PACS2: variants seen among roughly 807,000 people sequenced by gnomAD.
PACS2 encodes the protein phosphofurin acidic cluster sorting protein 2, also known as PACS1-like protein.
A neutral mutation model predicts 113.0 loss-of-function variants in PACS2; 36 were observed. The ratio of observed to expected loss-of-function variants is 0.32; its 90% CI spans 0.24 to 0.42. PACS2 has a LOEUF of 0.42. Among genes scored for constraint, PACS2 ranks in the 10% least tolerant of loss-of-function variants. The pLI, the probability that PACS2 is intolerant of heterozygous loss-of-function variation, is 1.00. For missense variants in PACS2, 1,015 were observed against 1,239.5 expected (o/e 0.82, Z 2.72); for synonymous variants, 589 against 536.1 (o/e 1.10, Z -1.36).
rs2060029865 is a variant in PACS2 at position 105,348,563 on chromosome 14, A to T, written c.190A>T (p.Ile64Phe). 6.2e-7 allele frequency: 1 copy of T among 1,611,794 alleles called. No homozygotes were observed. The highest frequency in any genetic ancestry group is 1.7e-5 in the Admixed American group (1 of 60,014). ...ELEKELISVVIAVKMQGSKRI... is the reference protein window; with the variant it reads ...ELEKELISVVFAVKMQGSKRI... ...GGAGAAGGAGCTGATCTCCGTGGTG[A>T]TCGCTGTCAAGATGCAGGTGAGGCC... The change falls in exon 2 of 25, where the codon ATC becomes TTC. Residue 64 changes from isoleucine (I) to phenylalanine (F), a missense_variant. Physicochemically the swap from Ile to Phe is conservative, Grantham distance 21 (BLOSUM62 0). Transcript: ENST00000447393. This position sits in a 1 kb window ranked among gnomAD's most constrained non-coding sequence, Gnocchi z 6.4.
rs1433960807 is a variant in PACS2 at position 105,348,396 on chromosome 14, G to T, written c.120-97G>T. On this transcript the variant is annotated intron_variant, in intron 1 of 24. Transcript: ENST00000447393. The surrounding 1 kb of genome is among the most constrained non-coding windows in gnomAD (Gnocchi z 6.4). ...GTCACACCCCGCCCTGCACCCCAGG[G>T]TGCAGGCTCCCGGGGTGACACAGTG... is the stretch of plus-strand genomic sequence containing the variant. The T allele has an allele frequency of 5.5e-6, 5 of 913,632 alleles. No individual in the cohort carries two copies. In the East Asian group the frequency reaches 9.8e-5, roughly 18 times the overall value. 56.6% of individuals were successfully genotyped at this position (913,632 alleles called of 1,614,324 possible).
chr14:105,327,473 G>C (rs974927599), intron 1 of PACS2, among the ~76,000 whole-genome samples: 34 of 152,210 alleles, frequency 2.2e-4, no homozygotes, highest in African/African-American at 8.2e-4. Context: ...CTGGGGTGGA[G>C]TTGTTCTCCT....
intron 1 of PACS2, among the ~76,000 whole-genome samples, chr14:105,307,703 A>G (rs1194888069): frequency 6.6e-6 from 1 of 152,174 alleles, no homozygotes; most frequent in African/African-American, 2.4e-5. Context: ...AAGTGCTTCA[A>G]TCTCTCTAGG....
chr14:105,346,453 A>G (rs2059920431), intron 1 of PACS2, among the ~76,000 whole-genome samples: 1 of 148,440 alleles, frequency 6.7e-6, no homozygotes, highest in Non-Finnish European at 1.5e-5. Flanking sequence ...GTGGCCCTGC[A>G]TGCACGGCTC....
intron 1 of PACS2, among the ~76,000 whole-genome samples, chr14:105,331,354 G>A (rs1468674288): frequency 1.3e-5 from 2 of 152,168 alleles, no homozygotes; most frequent in East Asian, 1.9e-4. Flanking sequence ...TGTTTATTAC[G>A]TATTTCCTCT....
At position 105,394,990 on chromosome 14, in the gene PACS2, C is replaced by T. The variant is rs2081493540; in HGVS notation, c.*318C>T. The stretch of plus-strand genomic sequence containing the variant: ...ACAGGCTGAGTTCTTGCCTCTGTGT[C>T]CTGTCCTTCCTGGAAGTCAGGACTC... On this transcript the variant is annotated 3_prime_UTR_variant, in exon 25 of 25. Transcript: ENST00000447393. 1 of 291,066 alleles carries T rather than the reference C, an allele frequency of 3.4e-6. No individual in the cohort carries two copies. Among genetic ancestry groups the T allele is most frequent in the African/African-American group, 2.2e-5 (1 of 46,100 alleles). 18.0% of individuals were successfully genotyped at this position (291,066 alleles called of 1,614,324 possible). A position where few individuals can be genotyped will look rare whatever the true frequency, so the allele number is the denominator to read the frequency against.
chr14:105,387,741 G>A (rs2081226151), intron 19 of PACS2, among the ~76,000 whole-genome samples: 1 of 152,204 alleles, frequency 6.6e-6, no homozygotes, highest in Non-Finnish European at 1.5e-5. Flanking sequence ...CATGGGCCTC[G>A]GAGCAGAGCA....
chr14:105,309,701 GA>G (rs2058291271), upstream of PACS2, among the ~76,000 whole-genome samples: 1 of 151,634 alleles, frequency 6.6e-6, no homozygotes, highest in African/African-American at 2.4e-5. The surrounding 1 kb of genome is among the most constrained non-coding windows in gnomAD (Gnocchi z 4.0). Flanking sequence ...GCAGGACACC[GA>G]GGATGTCATC....
Position 105,382,884 on chromosome 14 carries a change from C to T in PACS2, c.1596C>T (p.Phe532=), listed in dbSNP as rs781912375. 4.4e-6 allele frequency: 7 copies of T among 1,605,810 alleles called. No individual in the cohort carries two copies. Among genetic ancestry groups the T allele is most frequent in the Non-Finnish European group, 5.9e-6 (7 of 1,178,008 alleles). Residue 532 remains phenylalanine (F), a synonymous_variant, in exon 15 of 25, where the codon TTC becomes TTT. Coordinates refer to ENST00000447393, the MANE Select transcript of PACS2 (RefSeq NM_001100913.3). ...TCSPADVQAA[F]STIVSRIQRY... ...CTCCTGCGGACGTCCAGGCGGCCTTCAGCACCATCGTCTCACGGATACAGA... is the reference window on the plus strand; with the variant it reads ...CTCCTGCGGACGTCCAGGCGGCCTTTAGCACCATCGTCTCACGGATACAGA...
chr14:105,398,017 C>G lies in PACS2; in HGVS notation c.*3345C>G, dbSNP rs1474978985. The G allele has an allele frequency of 1.3e-5, 2 of 152,256 alleles. No individual in the cohort carries two copies. The highest frequency in any genetic ancestry group is 6.5e-5 in the Admixed American group (1 of 15,288). 9.4% of individuals were successfully genotyped at this position (152,256 alleles called of 1,614,324 possible). A position where few individuals can be genotyped will look rare whatever the true frequency, so the allele number is the denominator to read the frequency against. On this transcript the variant is annotated 3_prime_UTR_variant, in exon 25 of 25. Coordinates refer to ENST00000447393, the MANE Select transcript of PACS2 (RefSeq NM_001100913.3). ...TTTGGTTTCTAGGATGTATGTGTTGCTAGTTTTTTTTAATGAAACCCTGGA... is the reference window on the plus strand; with the variant it reads ...TTTGGTTTCTAGGATGTATGTGTTGGTAGTTTTTTTTAATGAAACCCTGGA...
intron 19 of PACS2, among the ~76,000 whole-genome samples, chr14:105,387,952 C>T (rs1256932070): frequency 2.0e-5 from 3 of 152,248 alleles, no homozygotes; most frequent in Non-Finnish European, 4.4e-5. Flanking sequence ...AGTGGGATGT[C>T]AAAGGCCACG....
chr14:105,318,662 A>AT (rs2058761334), intron 1 of PACS2, among the ~76,000 whole-genome samples: 1 of 139,670 alleles, frequency 7.2e-6, no homozygotes, highest in African/African-American at 2.7e-5. Context: ...TTTTTATTTT[A>AT]TTTTATTTTA....
chr14:105,394,022 A>T (rs1375463540), intron 24 of PACS2, among the ~76,000 whole-genome samples: 1 of 145,472 alleles, frequency 6.9e-6, no homozygotes, highest in African/African-American at 2.6e-5. Flanking sequence ...TGGGTGACAG[A>T]GCAAGACTCC....
chr14:105,306,361 C>T (rs978447889), intron 1 of PACS2, among the ~76,000 whole-genome samples: 2 of 151,464 alleles, frequency 1.3e-5, no homozygotes, highest in Admixed American at 6.6e-5. Flanking sequence ...TGGAGTGCAG[C>T]GGCGCCATCT....
intron 1 of PACS2, among the ~76,000 whole-genome samples, chr14:105,335,271 C>T (rs960150184): frequency 3.3e-5 from 5 of 152,250 alleles, no homozygotes; most frequent in Admixed American, 1.3e-4. Flanking sequence ...CCGTGGTGCT[C>T]CCAGAGGCAC....
At chr14:105,331,499 C>T (rs1017653811) in intron 1 of PACS2, among the ~76,000 whole-genome samples, 3 of 152,212 alleles carry the variant, frequency 2.0e-5, no homozygotes, top group African/African-American at 7.2e-5. Context: ...TCCCTGCAGC[C>T]TCAAACTCTG....
At chr14:105,368,414 C>A in intron 6 of PACS2, 45 bp from the exon 7 acceptor site, 1 of 1,455,154 alleles carries the variant, frequency 6.9e-7, no homozygotes, top group Non-Finnish European at 9.7e-7. Flanking sequence ...CCTGCCAGCA[C>A]TATGCAGGCT....
At chr14:105,367,712 A>G (rs2060987540) in intron 5 of PACS2, among the ~76,000 whole-genome samples, 1 of 152,210 alleles carries the variant, frequency 6.6e-6, no homozygotes, top group Non-Finnish European at 1.5e-5. Context: ...AGCTGCCGCC[A>G]CCCCAGTGGG....
chr14:105,318,350 G>A (rs1486437100), intron 1 of PACS2, among the ~76,000 whole-genome samples: 2 of 152,096 alleles, frequency 1.3e-5, no homozygotes, highest in Non-Finnish European at 2.9e-5. Context: ...GCTTGATCAT[G>A]GCTCATTGTA....
Sources: allele counts gnomAD v4.1 joint callset (sites outside exome capture counted in the v4.1 genomes callset), GRCh38; gene constraint gnomAD v4.1.1; non-coding constraint Gnocchi (gnomAD v3.1); transcripts MANE v1.5; gene names NCBI Gene and HGNC (gene_info 2026-07-23, HGNC 2026-07-21).